Variants in ZNF157 observed in about 807,000 individuals in gnomAD.
ZNF157 encodes the protein zinc finger protein 157.
Under a neutral mutation model 9.4 loss-of-function variants are expected in ZNF157, and 8 were observed. The observed-to-expected ratio is 0.85, with a 90% CI of 0.50 to 1.53. The LOEUF (loss-of-function observed/expected upper bound fraction) is 1.53. ZNF157 is among the 40% of genes most tolerant of loss of function. The probability of loss-of-function intolerance (pLI) is 0.00; values close to 1 mark genes in which losing one functional copy is unlikely to be tolerated. For synonymous variants in ZNF157, 120 were observed against 130.8 expected, an observed-to-expected ratio of 0.92 and a Z score of 0.56; for missense variants, 316 against 385.2, an observed-to-expected ratio of 0.82 and a Z score of 1.50.
intron 1 of ZNF157, among the ~76,000 whole-genome samples, chrX:47,372,965 C>T (rs1256954457): frequency 1.8e-5 from 2 of 108,357 alleles, no homozygotes; most frequent in East Asian, 3.0e-4. Context: ...TTTGGGAGGC[C>T]GAGGTGGGAG....
intron 1 of ZNF157, among the ~76,000 whole-genome samples, chrX:47,383,967 A>G (rs2055872135): frequency 9.1e-6 from 1 of 110,406 alleles, no homozygotes; most frequent in Non-Finnish European, 1.9e-5. Flanking sequence ...GAAAATTGGA[A>G]TGTGTTTAAA....
chrX:47,410,756 C>A lies in ZNF157; in HGVS notation c.276C>A (p.Ser92=), dbSNP rs774628942. The change falls in exon 3 of 4, where the codon TCC becomes TCA. Residue 92 remains serine, a synonymous_variant. Coordinates refer to ENST00000377073, the MANE Select transcript of ZNF157 (RefSeq NM_003446.4). The part of the protein sequence containing the change: ...GEELWILEEE[S]SGHGYSGSLS... The stretch of plus-strand genomic sequence containing the variant: ...AGCTGTGGATATTAGAGGAGGAATC[C>A]TCAGGCCATGGTTACTCAGGTAAGT... 2 of 1,204,534 alleles carry A rather than the reference C, an allele frequency of 1.7e-6. No homozygotes were observed.
intron 1 of ZNF157, among the ~76,000 whole-genome samples, chrX:47,406,141 G>A (rs927612655): frequency 9.1e-6 from 1 of 109,631 alleles, no homozygotes; most frequent in African/African-American, 3.3e-5. Flanking sequence ...TGTTGGCCAG[G>A]ATGGTCTTGA....
chrX:47,372,154 G>A (rs1326145723), intron 1 of ZNF157, among the ~76,000 whole-genome samples: 1 of 111,026 alleles, frequency 9.0e-6, no homozygotes, highest in African/African-American at 3.3e-5. Flanking sequence ...ATGCTAATGA[G>A]TTGACTGATG....
At chrX:47,393,726 C>G (rs1472178242) in intron 1 of ZNF157, among the ~76,000 whole-genome samples, 1 of 78,159 alleles carries the variant, frequency 1.3e-5, no homozygotes, top group Non-Finnish European at 2.4e-5. Flanking sequence ...CTACCATCCC[C>G]GCCACCCTCC....
At chrX:47,383,371 C>CAAAAAAAA (rs35133137) in intron 1 of ZNF157, among the ~76,000 whole-genome samples, 9 of 18,812 alleles carry the variant, frequency 4.8e-4, no homozygotes, top group Non-Finnish European at 1.3e-3. Context: ...GACTCAGTCT[C>CAAAAAAAA]AAAAAAAAAA....
chrX:47,396,619 CCTT>C (rs1005085098), intron 1 of ZNF157, among the ~76,000 whole-genome samples: 1 of 111,816 alleles, frequency 8.9e-6, no homozygotes, highest in Non-Finnish European at 1.9e-5. Flanking sequence ...TTTATAACTG[CCTT>C]CTTCTACCCA....
At chrX:47,387,886 CAAAAA>C (rs781763726) in intron 1 of ZNF157, among the ~76,000 whole-genome samples, 2 of 34,537 alleles carry the variant, frequency 5.8e-5, no homozygotes, top group Admixed American at 5.5e-4. Flanking sequence ...GACTCTGTCT[CAAAAA>C]AAAAAAAAAA....
chrX:47,410,886 T>G, intron 3 of ZNF157, 111 bp downstream of exon 3: 1 of 597,029 alleles, frequency 1.7e-6, no homozygotes, highest in Middle Eastern at 3.6e-4. Context: ...CTTTTTAGAG[T>G]TCCTAGCTCT....
chrX:47,384,639 G>GAC lies in ZNF157; in HGVS notation c.72+13901_72+13902dup, dbSNP rs2055874167. Among the ~76,000 whole-genome samples the GAC allele has an allele frequency of 3.6e-5, 4 of 112,478 alleles. No homozygotes were observed. In the East Asian group the frequency reaches 1.1e-3, roughly 31 times the overall value. ...ACAATAGAACCTGGGGTGCCGCACAGACAGATTACCTGTACAATAGCCCTT... is the reference window on the plus strand; with the variant it reads ...ACAATAGAACCTGGGGTGCCGCACAGACACAGATTACCTGTACAATAGCCCTT... On this transcript the variant is annotated intron_variant, in intron 1 of 3. Transcript: ENST00000377073.
intron 1 of ZNF157, among the ~76,000 whole-genome samples, chrX:47,376,199 A>G (rs781765145): frequency 4.5e-4 from 51 of 112,564 alleles, no homozygotes; most frequent in Non-Finnish European, 9.4e-5. Flanking sequence ...GGTTTTAGCA[A>G]TGATGAAAAA....
At chrX:47,397,528 C>T (rs1051916188) in intron 1 of ZNF157, among the ~76,000 whole-genome samples, 5 of 111,021 alleles carry the variant, frequency 4.5e-5, no homozygotes, top group African/African-American at 1.6e-4. Flanking sequence ...GATTCTCCTG[C>T]CTCAGCCTTC....
rs760348471 is a variant in ZNF157 at position 47,389,247 on chromosome X, C to T, written c.72+18507C>T. Among the ~76,000 whole-genome samples the T allele has an allele frequency of 4.6e-5, 5 of 109,583 alleles. 1 individual carries two copies. In the South Asian group the frequency reaches 1.2e-3, roughly 26 times the overall value. ...TTTGAGACAGAGTCTTGCTCTGTCG[C>T]CCAGGCTGGAGTGCAATGGCAGATC... is the stretch of plus-strand genomic sequence containing the variant. On this transcript the variant is annotated intron_variant, in intron 1 of 3. Transcript: ENST00000377073.
intron 1 of ZNF157, among the ~76,000 whole-genome samples, chrX:47,374,357 T>C (rs1421816421): frequency 1.8e-5 from 2 of 110,034 alleles, no homozygotes; most frequent in Admixed American, 9.9e-5. Flanking sequence ...AATTGTGGGA[T>C]TGTATGCCAA....
intron 1 of ZNF157, among the ~76,000 whole-genome samples, chrX:47,405,674 T>C (rs2055944903): frequency 9.0e-6 from 1 of 111,421 alleles, no homozygotes; most frequent in Admixed American, 9.7e-5. Flanking sequence ...TTTTATTTTA[T>C]TTATTTTTTT....
At chrX:47,379,578 C>T (rs1030475392) in intron 1 of ZNF157, among the ~76,000 whole-genome samples, 11 of 107,479 alleles carry the variant, frequency 1.0e-4, no homozygotes, top group Non-Finnish European at 1.9e-4. Flanking sequence ...CCACCACAAC[C>T]GACTAATTTT....
At chrX:47,377,231 G>A (rs1228238333) in intron 1 of ZNF157, among the ~76,000 whole-genome samples, 1 of 33,791 alleles carries the variant, frequency 3.0e-5, no homozygotes, top group East Asian at 9.6e-4. Flanking sequence ...CCCTACCCCT[G>A]CCCCCCACCC....
At chrX:47,393,023 C>T (rs1311330402) in intron 1 of ZNF157, among the ~76,000 whole-genome samples, 1 of 110,603 alleles carries the variant, frequency 9.0e-6, no homozygotes, top group Non-Finnish European at 1.9e-5. Context: ...GGCATGGTGG[C>T]GCACGCCTGT....
chrX:47,399,669 CTCTT>C (rs767311592), intron 1 of ZNF157, among the ~76,000 whole-genome samples: 7 of 111,538 alleles, frequency 6.3e-5, no homozygotes, highest in Non-Finnish European at 1.3e-4. Flanking sequence ...TGTCTCCTCT[CTCTT>C]TCTCTCTCTC....
Sources: allele counts gnomAD v4.1 joint callset (sites outside exome capture counted in the v4.1 genomes callset), GRCh38; gene constraint gnomAD v4.1.1; transcripts MANE v1.5; gene names NCBI Gene and HGNC (gene_info 2026-07-23, HGNC 2026-07-21).